Variants in MIPOL1 observed in about 807,000 individuals in gnomAD.
The protein encoded by MIPOL1 is mirror-image polydactyly 1, also known as mirror-image polydactyly gene 1 protein.
A neutral mutation model predicts 60.9 loss-of-function variants in MIPOL1; 57 were observed. That is an observed-to-expected ratio of 0.94 (90% confidence interval 0.76 to 1.17). The LOEUF is 1.17. Among genes scored for constraint, MIPOL1 ranks in the 50% most tolerant of loss-of-function variants. The pLI is 0.00. For synonymous variants in MIPOL1, 179 were observed against 168.8 expected (o/e 1.06, Z -0.47); for missense variants, 551 against 511.6 (o/e 1.08, Z -0.74).
chr14:37,522,313 T>A (rs2095419474), intron 12 of MIPOL1, among the ~76,000 whole-genome samples: 1 of 152,128 alleles, frequency 6.6e-6, no homozygotes, highest in Admixed American at 6.6e-5. Flanking sequence ...AAAAGGAAAT[T>A]TAATAGTTTG....
At chr14:37,275,509 A>G (rs1333457009) in intron 6 of MIPOL1, among the ~76,000 whole-genome samples, 2 of 151,360 alleles carry the variant, frequency 1.3e-5, no homozygotes, top group African/African-American at 4.8e-5. Flanking sequence ...TATATCAGTG[A>G]TGATGTGTTT....
At chr14:37,349,126 C>A (rs1251553362) in intron 9 of MIPOL1, among the ~76,000 whole-genome samples, 1 of 150,982 alleles carries the variant, frequency 6.6e-6, no homozygotes, top group African/African-American at 2.4e-5. Flanking sequence ...GTAGCTGGGA[C>A]TACAGGTGCC....
At chr14:37,277,395 GTAC>G (rs2083749857) in intron 6 of MIPOL1, 1 of 151,244 alleles carries the variant, frequency 6.6e-6, no homozygotes, top group South Asian at 2.1e-4. Flanking sequence ...ACAATTATCA[GTAC>G]TGATTTTAAT....
At chr14:37,524,527 A>G (rs563964264) in intron 12 of MIPOL1, among the ~76,000 whole-genome samples, 4 of 150,974 alleles carry the variant, frequency 2.6e-5, no homozygotes, top group Admixed American at 2.0e-4. Context: ...TAAAATATCC[A>G]GGTGGATGTT....
intron 11 of MIPOL1, 125 bp from the exon 12 acceptor site, chr14:37,499,783 T>G: frequency 1.2e-5 from 6 of 487,168 alleles, no homozygotes; most frequent in Non-Finnish European, 1.5e-5. Context: ...ATTATTTTCA[T>G]TTGCTCATTT....
intron 11 of MIPOL1, among the ~76,000 whole-genome samples, chr14:37,480,815 A>C (rs1030067097): frequency 1.6e-4 from 24 of 152,134 alleles, no homozygotes; most frequent in Admixed American, 5.9e-4. Flanking sequence ...ACTCCACAAA[A>C]AAACAAACAA....
chr14:37,222,386 CTTT>C (rs199520941), intron 1 of MIPOL1, among the ~76,000 whole-genome samples: 1 of 132,946 alleles, frequency 7.5e-6, no homozygotes, highest in Non-Finnish European at 1.6e-5. Context: ...ACACACCTGG[CTTT>C]TTTTTTTTTT....
intron 7 of MIPOL1, among the ~76,000 whole-genome samples, chr14:37,293,116 G>T (rs958742037): frequency 6.9e-6 from 1 of 144,230 alleles, no homozygotes; most frequent in Non-Finnish European, 1.5e-5. Flanking sequence ...AGATTCTTAC[G>T]TAATAAGGCT....
intron 11 of MIPOL1, among the ~76,000 whole-genome samples, chr14:37,481,551 A>G (rs959795075): frequency 8.1e-6 from 1 of 123,576 alleles, no homozygotes; most frequent in East Asian, 2.5e-4. Flanking sequence ...ACTCATATGG[A>G]CCCCCCCCAA....
chr14:37,392,994 T>A (rs1195722588), intron 10 of MIPOL1, among the ~76,000 whole-genome samples: 1 of 152,068 alleles, frequency 6.6e-6, no homozygotes, highest in African/African-American at 2.4e-5. Context: ...TTATACTGGA[T>A]TAGGGTACCA....
rs1354121584 is a variant in MIPOL1 at position 37,300,721 on chromosome 14, G to T, written c.624-7335G>T. Among the ~76,000 whole-genome samples, 2 of 15,758 alleles carry T rather than the reference G, an allele frequency of 1.3e-4. 1 individual carries two copies. Among genetic ancestry groups the T allele is most frequent in the African/African-American group, 1.6e-4 (2 of 12,514 alleles). The allele number at this position is 15,758 out of a possible 152,430, so 10.3% of individuals were successfully genotyped here. ...AAATAGAGTCTCACTATATTGCCTA[G>T]GCTAGTCTCAAGCTCCTGGGCTCAA... is the stretch of plus-strand genomic sequence containing the variant. On this transcript the variant is annotated intron_variant, in intron 7 of 12. Coordinates refer to ENST00000684589, the MANE Select transcript of MIPOL1 (RefSeq NM_001388067.1).
intron 10 of MIPOL1, among the ~76,000 whole-genome samples, chr14:37,413,400 G>GC (rs910345805): frequency 1.3e-5 from 2 of 152,054 alleles, no homozygotes; most frequent in African/African-American, 4.8e-5. Context: ...TTGGCTTGTG[G>GC]CCCCCTTTCA....
At chr14:37,226,331 G>T (rs1488800785) in intron 1 of MIPOL1, among the ~76,000 whole-genome samples, 1 of 152,176 alleles carries the variant, frequency 6.6e-6, no homozygotes, top group East Asian at 1.9e-4. Flanking sequence ...ATTTACAAAA[G>T]AAAGAGGTTT....
intron 11 of MIPOL1, among the ~76,000 whole-genome samples, chr14:37,494,848 TC>T (rs1439875032): frequency 1.3e-5 from 2 of 152,160 alleles, no homozygotes; most frequent in Non-Finnish European, 2.9e-5. Flanking sequence ...AAAGATCATG[TC>T]CATTGCTTGG....
chr14:37,495,220 G>A (rs1466969958), intron 11 of MIPOL1, among the ~76,000 whole-genome samples: 8 of 147,628 alleles, frequency 5.4e-5, no homozygotes, highest in Admixed American at 1.4e-4. Flanking sequence ...ATGCTGGTGC[G>A]CTGCACCCAC....
At chr14:37,323,264 T>C (rs2088805424) in intron 9 of MIPOL1, among the ~76,000 whole-genome samples, 1 of 152,258 alleles carries the variant, frequency 6.6e-6, no homozygotes, top group South Asian at 2.1e-4. Flanking sequence ...TTTGTCAGGT[T>C]TGTCAAAGAT....
intron 12 of MIPOL1, among the ~76,000 whole-genome samples, chr14:37,535,358 A>C (rs1409660388): frequency 6.6e-6 from 1 of 152,166 alleles, no homozygotes; most frequent in African/African-American, 2.4e-5. Context: ...TGTTCTATTT[A>C]ATCTCAACAA....
chr14:37,323,920 A>T lies in MIPOL1; in HGVS notation c.828+15401A>T, dbSNP rs111951476. On this transcript the variant is annotated intron_variant, in intron 9 of 12. Transcript: ENST00000684589. ...AGTAATCTTGTTTCTTTTACTGATA[A>T]GTAATACTTCATTGTTTAATATTAC... Among the ~76,000 whole-genome samples, 1,126 of 152,132 alleles carry T rather than the reference A, an allele frequency of 7.4e-3. 15 individuals are homozygous for T. The highest frequency in any genetic ancestry group is 0.025 in the African/African-American group (1,057 of 41,520).
chr14:37,359,259 A>T (rs1205943433), intron 9 of MIPOL1, among the ~76,000 whole-genome samples: 2 of 152,282 alleles, frequency 1.3e-5, no homozygotes, highest in Admixed American at 6.5e-5. Flanking sequence ...GTTTGAAGTC[A>T]GGTAGCGTGA....
Sources: gnomAD v4.1 joint callset for allele counts (sites outside exome capture counted in the v4.1 genomes callset) on GRCh38, gnomAD v4.1.1 for gene constraint, MANE v1.5 for transcripts, NCBI Gene and HGNC (gene_info 2026-07-23, HGNC 2026-07-21) for gene names.